The following RC3H1 variants were observed in gnomAD, a reference collection of about 807,000 sequenced individuals.
RC3H1 encodes the protein ring finger and CCCH-type domains 1, also known as roquin-1.
Under a neutral mutation model 138.2 loss-of-function variants are expected in RC3H1, and 50 were observed. That is an observed-to-expected ratio of 0.36 (90% confidence interval 0.29 to 0.46). The LOEUF is 0.46. RC3H1 is among the 20% of genes least tolerant of loss of function. The probability of loss-of-function intolerance (pLI) is 1.00; values close to 1 mark genes in which losing one functional copy is unlikely to be tolerated. For missense variants in RC3H1, 1,031 were observed against 1,388.1 expected (o/e 0.74, Z 4.09); for synonymous variants, 462 against 489.1 (o/e 0.94, Z 0.73).
At chr1:173,964,317 C>T (rs1660006970) in intron 10 of RC3H1, 130 bp from the exon 11 acceptor site, 2 of 710,488 alleles carry the variant, frequency 2.8e-6, no homozygotes, top group Non-Finnish European at 2.3e-6. Context: ...ACAAAATTTG[C>T]AATTTTTAAA....
At chr1:173,966,092 A>T (rs1402115542) in intron 9 of RC3H1, among the ~76,000 whole-genome samples, 1 of 152,160 alleles carries the variant, frequency 6.6e-6, no homozygotes, top group East Asian at 1.9e-4. Flanking sequence ...GTGAGCCAAG[A>T]TTGCACCACT....
At chr1:173,950,322 G>C (rs1659335270) in intron 14 of RC3H1, among the ~76,000 whole-genome samples, 1 of 149,940 alleles carries the variant, frequency 6.7e-6, no homozygotes, top group Non-Finnish European at 1.5e-5. Context: ...GCACACATCT[G>C]TAACTACAGC....
intron 17 of RC3H1, among the ~76,000 whole-genome samples, chr1:173,945,599 A>C (rs1659099244): frequency 6.6e-6 from 1 of 152,226 alleles, no homozygotes; most frequent in South Asian, 2.1e-4. Flanking sequence ...GGATATTCTA[A>C]GGGTCAAATA....
At chr1:173,962,569 GT>G in intron 11 of RC3H1, among the ~76,000 whole-genome samples, 1 of 152,216 alleles carries the variant, frequency 6.6e-6, no homozygotes, top group East Asian at 1.9e-4. Flanking sequence ...TGTGGCAATA[GT>G]TTCTCAGTTT....
chr1:173,968,217 C>T (rs1218761263), intron 9 of RC3H1, among the ~76,000 whole-genome samples: 1 of 152,136 alleles, frequency 6.6e-6, no homozygotes, highest in Non-Finnish European at 1.5e-5. Flanking sequence ...TAGTTCCTGT[C>T]TAAAACTTCC....
At chr1:173,970,401 T>C (rs1395397345) in intron 9 of RC3H1, 104 bp downstream of exon 9, 3 of 777,802 alleles carry the variant, frequency 3.9e-6, no homozygotes, top group African/African-American at 1.7e-5. Flanking sequence ...TCTAAAAATG[T>C]CCTATTCATT....
At chr1:173,943,771 C>G (rs765388622) in intron 17 of RC3H1, among the ~76,000 whole-genome samples, 156 bp from the exon 18 acceptor site, 4 of 152,072 alleles carry the variant, frequency 2.6e-5, no homozygotes, top group Non-Finnish European at 4.4e-5. Context: ...CTTTGAGTAC[C>G]ATTCAAACAA....
intron 14 of RC3H1, among the ~76,000 whole-genome samples, chr1:173,950,209 C>T (rs1472428897): frequency 1.3e-5 from 2 of 151,770 alleles, no homozygotes; most frequent in Non-Finnish European, 1.5e-5. Context: ...TAAGTGAAAA[C>T]ATGAAAATGC....
intron 1 of RC3H1, chr1:174,009,125 T>A (rs1661706724): frequency 6.6e-6 from 1 of 152,154 alleles, no homozygotes; most frequent in South Asian, 2.1e-4. Flanking sequence ...GGGATTAAAT[T>A]CACGCTTAGG....
chr1:173,946,540 A>C lies in RC3H1; in HGVS notation c.2897T>G (p.Leu966Arg), dbSNP rs761180921. ...GTTCAATTGCTGCAATTCTAGTCGT[A>C]GCTGTTCTCTCTCAGCAGATGGAAG... ...KPLPSAEREQ[L>R]RLELQQLNHQ... The change falls in exon 17 of 20, where the codon CTA (leucine) becomes CGA (arginine). Residue 966 changes from leucine (L) to arginine (R), a missense_variant. Coordinates refer to ENST00000367696, the MANE Select transcript of RC3H1 (RefSeq NM_172071.4). 2 of 1,613,996 alleles carry C rather than the reference A, an allele frequency of 1.2e-6. No individual in the cohort carries two copies. Among genetic ancestry groups the C allele is most frequent in the Admixed American group, 3.3e-5 (2 of 59,998 alleles).
At chr1:174,017,166 C>G (rs183590488) in intron 1 of RC3H1, among the ~76,000 whole-genome samples, 8 of 152,318 alleles carry the variant, frequency 5.3e-5, no homozygotes, top group Non-Finnish European at 1.0e-4. Context: ...TGTGAATATT[C>G]CTAGTTTCTT....
intron 2 of RC3H1, among the ~76,000 whole-genome samples, chr1:173,985,599 T>A (rs535527965): frequency 7.9e-5 from 12 of 152,268 alleles, no homozygotes; most frequent in Admixed American, 1.3e-4. Context: ...TAAATCAGGT[T>A]AATTAACAAA....
At chr1:174,019,978 G>A (rs1463908262) in intron 1 of RC3H1, among the ~76,000 whole-genome samples, 1 of 152,088 alleles carries the variant, frequency 6.6e-6, no homozygotes, top group Non-Finnish European at 1.5e-5. Context: ...ATAACACGGT[G>A]AGATTGTTTT....
intron 1 of RC3H1, among the ~76,000 whole-genome samples, chr1:174,015,058 CTG>C (rs1661834739): frequency 6.6e-6 from 1 of 152,110 alleles, no homozygotes; most frequent in Admixed American, 6.6e-5. Flanking sequence ...GACTTTTTTC[CTG>C]CCACCCAGCT....
chr1:174,007,862 T>C (rs750011169), intron 1 of RC3H1, among the ~76,000 whole-genome samples: 8 of 152,218 alleles, frequency 5.3e-5, no homozygotes, highest in South Asian at 2.1e-4. Context: ...AGCTACCCTT[T>C]GTGAACTTAT....
rs371046903 is a variant in RC3H1, at chr1:174,003,754, G to A, written c.-150-10619C>T. ...CAGCTCACTGCAAGCTCCACCTCGCGGGTTTCACGCCATTCTCCTGCCTCT... is the reference window on the plus strand; with the variant it reads ...CAGCTCACTGCAAGCTCCACCTCGCAGGTTTCACGCCATTCTCCTGCCTCT... On this transcript the variant is annotated intron_variant, in intron 1 of 19. Transcript: ENST00000367696. Among the ~76,000 whole-genome samples, 12 of 151,490 alleles carry A rather than the reference G, an allele frequency of 7.9e-5. No individual in the cohort carries two copies. In the East Asian group the frequency reaches 1.4e-3, roughly 17 times the overall value.
At chr1:173,994,188 T>TCAAGACCAGAC (rs1661405248) in intron 1 of RC3H1, among the ~76,000 whole-genome samples, 1 of 151,502 alleles carries the variant, frequency 6.6e-6, no homozygotes, top group Non-Finnish European at 1.5e-5. Flanking sequence ...GGTTGGGAGT[T>TCAAGACCAGAC]CAAGACCAGA....
At chr1:174,003,264 G>A (rs1341510670) in intron 1 of RC3H1, among the ~76,000 whole-genome samples, 1 of 152,018 alleles carries the variant, frequency 6.6e-6, no homozygotes, top group East Asian at 1.9e-4. Context: ...GTGGGCGCTT[G>A]TAATCCCAGC....
chr1:173,968,478 T>G (rs1388341176), intron 9 of RC3H1, among the ~76,000 whole-genome samples: 1 of 152,210 alleles, frequency 6.6e-6, no homozygotes, highest in East Asian at 1.9e-4. Context: ...TCCTTAATTT[T>G]AACTTATTTT....
Sources: gnomAD v4.1 joint callset for allele counts (sites outside exome capture counted in the v4.1 genomes callset) on GRCh38, gnomAD v4.1.1 for gene constraint, MANE v1.5 for transcripts, NCBI Gene and HGNC (gene_info 2026-07-23, HGNC 2026-07-21) for gene names.